Variants in C3 observed in about 807,000 individuals in gnomAD.
C3 encodes the protein complement C3, also known as C3 and PZP-like alpha-2-macroglobulin domain-containing protein 1.
In C3, 97 loss-of-function variants were observed where a neutral mutation model predicts 207.9. That is an observed-to-expected ratio of 0.47 (90% CI 0.40 to 0.55). The LOEUF is 0.55. Among genes scored for constraint, C3 ranks in the 20% least tolerant of loss-of-function variants. C3 has a pLI of 0.00. For missense variants in C3, 1,684 were observed against 2,171.7 expected (o/e 0.78, Z 4.46); for synonymous variants, 848 against 857.6 (o/e 0.99, Z 0.20).
intron 38 of C3, among the ~76,000 whole-genome samples, 199 bp downstream of exon 38, chr19:6,678,926 C>A (rs1448481812): frequency 6.6e-6 from 1 of 152,172 alleles, no homozygotes; most frequent in African/African-American, 2.4e-5. Context: ...TCTACCTTTT[C>A]TCACATGAGC....
At position 6,685,105 on chromosome 19, in the gene C3, CT is replaced by C; in HGVS notation, c.3851del (p.Lys1284ArgfsTer9). On this transcript the variant is annotated frameshift_variant, in exon 30 of 41. Coordinates refer to ENST00000245907, the MANE Select transcript of C3 (RefSeq NM_000064.4). LOFTEE classifies it high-confidence loss of function. ...MVFQALAQYQ[K>X]DAPDHQELNL... The stretch of plus-strand genomic sequence containing the variant: ...TCAGTTCCTGGTGGTCAGGGGCGTC[CT>C]TTTGGTATTGAGCCAAGGCTTGGAA... The C allele has an allele frequency of 6.2e-7, 1 of 1,614,024 alleles. No individual in the cohort carries two copies. The highest frequency in any genetic ancestry group is 8.5e-7 in the Non-Finnish European group (1 of 1,179,964).
chr19:6,716,929 C>G (rs1968044591), intron 4 of C3: 2 of 152,226 alleles, frequency 1.3e-5, no homozygotes. Context: ...GGAGAGAGAA[C>G]AAGCTGTGTG....
At chr19:6,689,071 C>G (rs963673541) in intron 27 of C3, among the ~76,000 whole-genome samples, 4 of 152,166 alleles carry the variant, frequency 2.6e-5, no homozygotes, top group African/African-American at 9.7e-5. Flanking sequence ...GTCCCTGAGG[C>G]CACCTTCATC....
At chr19:6,693,156 G>A (rs561512366) in intron 25 of C3, 73 bp from the exon 26 acceptor site, 51 of 1,547,418 alleles carry the variant, frequency 3.3e-5, no homozygotes, top group African/African-American at 3.0e-4. Flanking sequence ...GCCAATGAGC[G>A]TGGGGGAGGG....
chr19:6,707,761 G>A (rs982635651), intron 15 of C3, 39 bp downstream of exon 15: 4 of 1,610,550 alleles, frequency 2.5e-6, no homozygotes, highest in Non-Finnish European at 2.5e-6. Flanking sequence ...AGGTGGAGGT[G>A]CTGTCTGTCC....
rs780429570 is a variant in C3, at chr19:6,717,867, CAT to C, written c.504+225_504+226del. On this transcript the variant is annotated intron_variant, in intron 4 of 40. Coordinates refer to ENST00000245907, the MANE Select transcript of C3 (RefSeq NM_000064.4). Reference sequence around the variant, plus strand: ...ATTGTGTGTGTGCATTGTGTGTGCACATGTGTCTGCATATCTCTTTGCCTCTG... The same window carrying C: ...ATTGTGTGTGTGCATTGTGTGTGCACGTGTCTGCATATCTCTTTGCCTCTG... 1.3e-4 allele frequency: 83 copies of C among 628,400 alleles called. No individual in the cohort carries two copies. The East Asian group carries it at 1.5e-3, about 11-fold the overall frequency. 38.9% of individuals were successfully genotyped at this position (628,400 alleles called of 1,614,324 possible). A position where few individuals can be genotyped will look rare whatever the true frequency, so the allele number is the denominator to read the frequency against.
At chr19:6,704,726 T>C (rs761815753) in intron 17 of C3, among the ~76,000 whole-genome samples, 4 of 152,060 alleles carry the variant, frequency 2.6e-5, no homozygotes, top group Admixed American at 1.3e-4. Context: ...ACCACTGTAC[T>C]GCAGCCTGTG....
chr19:6,679,627 C>T lies in C3; in HGVS notation c.4457-131G>A, dbSNP rs911329088. The stretch of plus-strand genomic sequence containing the variant: ...TAGGTCTTCAACCCCTCAGATCCCT[C>T]AGACCCCAAGACCCCCTCTACTTTC... On this transcript the variant is annotated intron_variant, in intron 36 of 40. Transcript: ENST00000245907. The T allele has an allele frequency of 8.1e-6, 6 of 736,876 alleles. No individual in the cohort carries two copies. In the African/African-American group the frequency reaches 1.0e-4, roughly 13 times the overall value. The allele number at this position is 736,876 out of a possible 1,614,324, so 45.6% of individuals were successfully genotyped here.
intron 15 of C3, 119 bp from the exon 16 acceptor site, chr19:6,707,656 C>G: frequency 6.5e-7 from 1 of 1,532,214 alleles, no homozygotes; most frequent in South Asian, 1.1e-5. Context: ...GAAGAGCAAA[C>G]TGAGGCTCAG....
At chr19:6,707,603 T>TCA in intron 15 of C3, 66 bp from the exon 16 acceptor site, 2 of 1,576,840 alleles carry the variant, frequency 1.3e-6, no homozygotes, top group Non-Finnish European at 1.7e-6. Flanking sequence ...GGTTCACCCC[T>TCA]CACGATCGTG....
chr19:6,702,628 T>C (rs1455866401), intron 17 of C3, 49 bp from the exon 18 acceptor site: 2 of 1,315,696 alleles, frequency 1.5e-6, no homozygotes. Context: ...CCAGTTGCCA[T>C]GGCTCATGCC....
intron 9 of C3, 29 bp from the exon 10 acceptor site, chr19:6,712,652 T>A: frequency 6.3e-7 from 1 of 1,579,518 alleles, no homozygotes; most frequent in Non-Finnish European, 8.7e-7. Flanking sequence ...AGTGTAGGCT[T>A]CTGGGCCACC....
chr19:6,697,620 C>T (rs1452197534), intron 20 of C3, 32 bp downstream of exon 20: 2 of 1,613,990 alleles, frequency 1.2e-6, no homozygotes, highest in Admixed American at 1.7e-5. Context: ...CCCTGGCAGC[C>T]TCCAAGAAGC....
intron 33 of C3, among the ~76,000 whole-genome samples, chr19:6,683,608 G>A (rs1166140567): frequency 6.6e-6 from 1 of 151,834 alleles, no homozygotes; most frequent in Non-Finnish European, 1.5e-5. Context: ...CCGCCACCAT[G>A]CCCGGCTAAT....
At position 6,720,590 on chromosome 19, in the gene C3, G is replaced by A. The variant is rs1568230206; in HGVS notation, c.-1C>T. On this transcript the variant is annotated 5_prime_UTR_variant, in exon 1 of 41. Transcript: ENST00000245907. ...GGCTGGGACCTGAGGTGGGTCCCATGGTGCTGGGACAGTGCAGGGTCAGAG... is the reference window on the plus strand; with the variant it reads ...GGCTGGGACCTGAGGTGGGTCCCATAGTGCTGGGACAGTGCAGGGTCAGAG... The A allele has an allele frequency of 6.3e-7, 1 of 1,576,048 alleles. No individual in the cohort carries two copies. The highest frequency in any genetic ancestry group is 2.3e-5 in the East Asian group (1 of 43,296).
At chr19:6,687,083 G>A (rs958928648) in intron 27 of C3, among the ~76,000 whole-genome samples, 181 bp from the exon 28 acceptor site, 1 of 152,188 alleles carries the variant, frequency 6.6e-6, no homozygotes, top group African/African-American at 2.4e-5. Flanking sequence ...CCTTGTTGCT[G>A]CATATCTATT....
chr19:6,709,580 C>T (rs1279792001), intron 14 of C3, 104 bp downstream of exon 14: 3 of 1,268,544 alleles, frequency 2.4e-6, no homozygotes, highest in Non-Finnish European at 2.3e-6. Context: ...CTGCTTTCAG[C>T]GCATGCCCCC....
At position 6,711,212 on chromosome 19, in the gene C3, G is replaced by C; in HGVS notation, c.1270-16C>G. 1.2e-6 allele frequency: 2 copies of C among 1,608,084 alleles called. No individual in the cohort carries two copies. The highest frequency in any genetic ancestry group is 1.7e-6 in the Non-Finnish European group (2 of 1,178,274). Reference sequence around the variant, plus strand: ...TCGTGCGCACCTGGGTGGGGAAAGAGGGATGCCTGCTGGTCGCCGCCCGAG... The same window carrying C: ...TCGTGCGCACCTGGGTGGGGAAAGACGGATGCCTGCTGGTCGCCGCCCGAG... On this transcript the variant is annotated splice_polypyrimidine_tract_variant and intron_variant, in intron 11 of 40. Transcript: ENST00000245907.
intron 27 of C3, among the ~76,000 whole-genome samples, chr19:6,689,360 C>CCTCTCTCTCTCTCT (rs1218148901): frequency 1.8e-3 from 29 of 16,540 alleles, no homozygotes; most frequent in African/African-American, 6.6e-3. Context: ...TCCCTCCCTC[C>CCTCTCTCTCTCTCT]CTCTCTCTCT....
Sources: gnomAD v4.1 joint callset for allele counts (sites outside exome capture counted in the v4.1 genomes callset) on GRCh38, gnomAD v4.1.1 for gene constraint, MANE v1.5 for transcripts, NCBI Gene and HGNC (gene_info 2026-07-23, HGNC 2026-07-21) for gene names.